STAG1: variants seen among roughly 807,000 people sequenced by gnomAD.
STAG1 encodes the protein cohesin subunit SA-1.
STAG1 carries 26 observed loss-of-function variants against 170.9 expected under a neutral mutation model. The ratio of observed to expected loss-of-function variants is 0.15; its 90% CI spans 0.11 to 0.21. STAG1 has a LOEUF of 0.21. STAG1 is among the 10% of genes least tolerant of loss of function. The probability of loss-of-function intolerance (pLI) is 1.00; values close to 1 mark genes in which losing one functional copy is unlikely to be tolerated. For synonymous variants in STAG1, 514 were observed against 497.7 expected (o/e 1.03, Z -0.44); for missense variants, 964 against 1,509.5 (o/e 0.64, Z 5.99).
rs1052864307 is a variant in STAG1 at position 136,382,220 on chromosome 3, G to A, written c.2278-4468C>T. Among the ~76,000 whole-genome samples, 3 of 152,122 alleles carry A rather than the reference G, an allele frequency of 2.0e-5. 1 individual carries two copies. The highest frequency in any genetic ancestry group is 3.2e-3 in the Middle Eastern group (1 of 316). The stretch of plus-strand genomic sequence containing the variant: ...GGAATCAGCCATCTTAGGAGTTGGA[G>A]GCAAAGGATTCCTTTATAAAGGCTG... On this transcript the variant is annotated intron_variant, in intron 22 of 33. Transcript: ENST00000383202.
intron 16 of STAG1, among the ~76,000 whole-genome samples, chr3:136,426,497 G>A (rs1396617890): frequency 2.0e-5 from 3 of 152,114 alleles, no homozygotes; most frequent in African/African-American, 7.2e-5. Flanking sequence ...GACTCATCAT[G>A]ATGTATAAAA....
chr3:136,712,517 GGACATCAA>G lies in STAG1; in HGVS notation c.-84+39670_-84+39677del, dbSNP rs2107920007. Among the ~76,000 whole-genome samples, 4 of 152,180 alleles carry G rather than the reference GGACATCAA, an allele frequency of 2.6e-5. No individual in the cohort carries two copies. In the East Asian group the frequency reaches 7.7e-4, roughly 29 times the overall value. ...ATGAGAACAATCACTTCACAGAATAGGACATCAAAATGGTCAGCACTGAGATGCTCAAA... is the reference window on the plus strand; with the variant it reads ...ATGAGAACAATCACTTCACAGAATAGAATGGTCAGCACTGAGATGCTCAAA... On this transcript the variant is annotated intron_variant, in intron 1 of 33. Transcript: ENST00000383202.
intron 5 of STAG1, among the ~76,000 whole-genome samples, chr3:136,550,070 C>G (rs1425897492): frequency 6.6e-6 from 1 of 152,096 alleles, no homozygotes; most frequent in Non-Finnish European, 1.5e-5. Context: ...GGGATCTATA[C>G]TGGCCTTTTT....
chr3:136,495,824 C>T (rs1266858510), intron 9 of STAG1, among the ~76,000 whole-genome samples: 1 of 151,846 alleles, frequency 6.6e-6, no homozygotes, highest in Non-Finnish European at 1.5e-5. Flanking sequence ...AAAAAATTAG[C>T]CAGGCATGGT....
At chr3:136,679,251 G>A (rs1942248970) in intron 1 of STAG1, among the ~76,000 whole-genome samples, 1 of 152,014 alleles carries the variant, frequency 6.6e-6, no homozygotes, top group Non-Finnish European at 1.5e-5. Context: ...CTTTAACCCA[G>A]CAATTTTACT....
At chr3:136,579,371 A>T (rs936380381) in intron 4 of STAG1, among the ~76,000 whole-genome samples, 2 of 150,084 alleles carry the variant, frequency 1.3e-5, no homozygotes, top group African/African-American at 4.9e-5. Flanking sequence ...ATTTCTGTGG[A>T]TTCAGGAATC....
chr3:136,421,762 C>T (rs376079207), intron 19 of STAG1, among the ~76,000 whole-genome samples: 27 of 152,238 alleles, frequency 1.8e-4, no homozygotes, highest in African/African-American at 5.5e-4. Context: ...TTAATTTGTA[C>T]GCTCTATTCA....
chr3:136,578,940 C>T (rs1002561734), intron 4 of STAG1, among the ~76,000 whole-genome samples: 3 of 152,142 alleles, frequency 2.0e-5, no homozygotes, highest in Non-Finnish European at 2.9e-5. Flanking sequence ...AAAGGAAGTT[C>T]GTGGAACTTC....
At chr3:136,718,061 T>G (rs775026897) in intron 1 of STAG1, among the ~76,000 whole-genome samples, 1 of 152,184 alleles carries the variant, frequency 6.6e-6, no homozygotes, top group South Asian at 2.1e-4. Flanking sequence ...GACTCGTGTA[T>G]TTACTGTAAA....
At chr3:136,671,194 G>A (rs1175313120) in intron 1 of STAG1, among the ~76,000 whole-genome samples, 1 of 152,108 alleles carries the variant, frequency 6.6e-6, no homozygotes, top group Non-Finnish European at 1.5e-5. Flanking sequence ...TAGCACAGGA[G>A]AATCGCTTGA....
At chr3:136,579,603 T>C (rs1351936430) in intron 4 of STAG1, among the ~76,000 whole-genome samples, 4 of 152,234 alleles carry the variant, frequency 2.6e-5, no homozygotes, top group African/African-American at 9.6e-5. Context: ...ACTTTCTACA[T>C]GGGATTCTCC....
At chr3:136,430,806 G>GACAGACACACACACAC (rs778171419) in intron 16 of STAG1, among the ~76,000 whole-genome samples, 5 of 131,160 alleles carry the variant, frequency 3.8e-5, no homozygotes, top group African/African-American at 1.4e-4. Context: ...GACATAGACA[G>GACAGACACACACACAC]ACACACACAC....
chr3:136,448,377 C>A (rs190127225), intron 14 of STAG1, among the ~76,000 whole-genome samples: 13 of 152,044 alleles, frequency 8.6e-5, no homozygotes, highest in African/African-American at 3.1e-4. Context: ...TGACCGGGGA[C>A]GCCTCACAAT....
At chr3:136,586,929 A>G (rs1559893686) in intron 4 of STAG1, 1 of 454,588 alleles carries the variant, frequency 2.2e-6, no homozygotes, top group Non-Finnish European at 4.4e-6. Context: ...TGAAGGCTCT[A>G]GGGGTAAGAA....
At position 136,554,659 on chromosome 3, in the gene STAG1, T is replaced by C. The variant is rs138214318; in HGVS notation, c.395-12464A>G. Among the ~76,000 whole-genome samples the C allele has an allele frequency of 2.6e-3, 389 of 151,938 alleles. 2 individuals are homozygous for C. Among genetic ancestry groups the C allele is most frequent in the African/African-American group, 9.2e-3 (379 of 41,414 alleles). The stretch of plus-strand genomic sequence containing the variant: ...CCTGTAATCCCAGCATATTGTGAGG[T>C]TGAGAGGGGAGGACTGCTTGAGTCC... On this transcript the variant is annotated intron_variant, in intron 5 of 33. Coordinates refer to ENST00000383202, the MANE Select transcript of STAG1 (RefSeq NM_005862.3).
At chr3:136,345,775 T>G (rs1936199353) in intron 29 of STAG1, among the ~76,000 whole-genome samples, 1 of 152,142 alleles carries the variant, frequency 6.6e-6, no homozygotes, top group Non-Finnish European at 1.5e-5. Context: ...ATCCTGTTTC[T>G]CCTCGTATTT....
At chr3:136,624,290 T>C (rs1939994873) in intron 2 of STAG1, among the ~76,000 whole-genome samples, 1 of 151,878 alleles carries the variant, frequency 6.6e-6, no homozygotes, top group African/African-American at 2.4e-5. Flanking sequence ...TTAGTAGAGA[T>C]GGGGTTTCAC....
intron 1 of STAG1, among the ~76,000 whole-genome samples, chr3:136,740,712 C>T (rs1311340907): frequency 6.6e-6 from 1 of 152,158 alleles, no homozygotes; most frequent in African/African-American, 2.4e-5. Context: ...AACTCCTGAA[C>T]TCAAGTGATC....
At chr3:136,480,829 C>T (rs1377723942) in intron 9 of STAG1, among the ~76,000 whole-genome samples, 3 of 116,728 alleles carry the variant, frequency 2.6e-5, no homozygotes, top group Admixed American at 9.7e-5. Context: ...GTATTTTATT[C>T]TCTTTGAAGC....
Sources: allele counts gnomAD v4.1 joint callset (sites outside exome capture counted in the v4.1 genomes callset), GRCh38; gene constraint gnomAD v4.1.1; transcripts MANE v1.5; gene names NCBI Gene and HGNC (gene_info 2026-07-23, HGNC 2026-07-21).